The following NKAIN2 variants were observed in gnomAD, a reference collection of about 807,000 sequenced individuals.
The protein encoded by NKAIN2 is sodium/potassium transporting ATPase interacting 2, also known as sodium/potassium-transporting ATPase subunit beta-1-interacting protein 2.
In NKAIN2, 14 loss-of-function variants were observed where a neutral mutation model predicts 32.6. That is an observed-to-expected ratio of 0.43 (90% CI 0.28 to 0.67). The LOEUF (loss-of-function observed/expected upper bound fraction) is 0.67, where lower values mean the gene tolerates loss of function less well. NKAIN2 is among the 30% of genes least tolerant of loss of function. The pLI, the probability that NKAIN2 is intolerant of heterozygous loss-of-function variation, is 0.17. For missense variants in NKAIN2, 198 were observed against 258.3 expected (o/e 0.77, Z 1.60); for synonymous variants, 80 against 87.2 (o/e 0.92, Z 0.46).
intron 4 of NKAIN2, among the ~76,000 whole-genome samples, chr6:124,748,955 G>C (rs114759338): frequency 6.6e-6 from 1 of 151,728 alleles, no homozygotes; most frequent in East Asian, 2.0e-4. Flanking sequence ...ATTGTCTCAC[G>C]ACTTCTGTAG....
rs182438321 is a variant in NKAIN2 at position 124,539,522 on chromosome 6, C to T, written c.274-118664C>T. Among the ~76,000 whole-genome samples the T allele has an allele frequency of 6.3e-3, 963 of 152,040 alleles. 7 individuals carry two copies. Among genetic ancestry groups the T allele is most frequent in the Non-Finnish European group, 9.4e-3 (641 of 67,988 alleles). ...TTTCACTCAGGATGGTATTTTATAA[C>T]GTGCAATAAATTCAGACAATGTTTG... is the stretch of plus-strand genomic sequence containing the variant. On this transcript the variant is annotated intron_variant, in intron 3 of 6. Coordinates refer to ENST00000368417, the MANE Select transcript of NKAIN2 (RefSeq NM_001040214.3).
chr6:124,751,686 A>G (rs925008594), intron 4 of NKAIN2, among the ~76,000 whole-genome samples: 1 of 151,894 alleles, frequency 6.6e-6, no homozygotes, highest in African/African-American at 2.4e-5. Context: ...ACATTAAAAG[A>G]CAGAGATTTA....
At chr6:124,338,490 T>C (rs983251327) in intron 2 of NKAIN2, among the ~76,000 whole-genome samples, 2 of 152,182 alleles carry the variant, frequency 1.3e-5, no homozygotes, top group Non-Finnish European at 2.9e-5. Context: ...CTTTTCTCCT[T>C]CTTTGCTTTC....
At chr6:124,042,928 G>C (rs1345246722) in intron 1 of NKAIN2, among the ~76,000 whole-genome samples, 1 of 152,066 alleles carries the variant, frequency 6.6e-6, no homozygotes, top group Non-Finnish European at 1.5e-5. Flanking sequence ...GAAAAAGCCT[G>C]TGAATGAAGT....
intron 3 of NKAIN2, among the ~76,000 whole-genome samples, chr6:124,601,025 A>G (rs1205582058): frequency 6.6e-6 from 1 of 152,016 alleles, no homozygotes; most frequent in Non-Finnish European, 1.5e-5. Flanking sequence ...GTCTCCATTG[A>G]GTTTCAGTTT....
intron 4 of NKAIN2, among the ~76,000 whole-genome samples, chr6:124,728,810 G>C (rs1307951834): frequency 1.4e-4 from 21 of 151,876 alleles, no homozygotes; most frequent in Non-Finnish European, 2.4e-4. Context: ...TAGACCGCTA[G>C]CAAGACTAAT....
intron 1 of NKAIN2, among the ~76,000 whole-genome samples, chr6:124,230,813 G>A (rs1044245753): frequency 1.3e-5 from 2 of 152,368 alleles, no homozygotes; most frequent in African/African-American, 4.8e-5. Flanking sequence ...TGCTGCAGGG[G>A]CAGGGCTCTC....
chr6:124,091,976 C>A (rs1784445271), intron 1 of NKAIN2, among the ~76,000 whole-genome samples: 1 of 152,038 alleles, frequency 6.6e-6, no homozygotes, highest in Admixed American at 6.6e-5. Context: ...CTATTCTCAT[C>A]TTTGCCTTTT....
intron 4 of NKAIN2, among the ~76,000 whole-genome samples, chr6:124,763,968 G>A (rs1206495276): frequency 6.6e-6 from 1 of 152,068 alleles, no homozygotes; most frequent in African/African-American, 2.4e-5. Flanking sequence ...ATATTCTTAA[G>A]GACCTAAACC....
chr6:124,552,645 G>A (rs1780334187), intron 3 of NKAIN2, among the ~76,000 whole-genome samples: 1 of 152,206 alleles, frequency 6.6e-6, no homozygotes, highest in African/African-American at 2.4e-5. Context: ...AAGTCACTGA[G>A]TTAAATATTT....
At chr6:124,453,469 T>C (rs1017862162) in intron 3 of NKAIN2, among the ~76,000 whole-genome samples, 1 of 152,004 alleles carries the variant, frequency 6.6e-6, no homozygotes, top group Non-Finnish European at 1.5e-5. Flanking sequence ...CCATTCTTGC[T>C]TTTATATTGG....
At chr6:124,158,449 G>A (rs1034836125) in intron 1 of NKAIN2, among the ~76,000 whole-genome samples, 1 of 152,132 alleles carries the variant, frequency 6.6e-6, no homozygotes, top group South Asian at 2.1e-4. Flanking sequence ...GTGGAACGAA[G>A]CAAATTAAAA....
chr6:124,369,580 G>A (rs925977459), intron 3 of NKAIN2, among the ~76,000 whole-genome samples: 3 of 152,208 alleles, frequency 2.0e-5, no homozygotes, highest in African/African-American at 4.8e-5. Context: ...GTCAGTGTTA[G>A]TATATTTCAT....
chr6:124,135,230 G>A (rs1386414584), intron 1 of NKAIN2, among the ~76,000 whole-genome samples: 1 of 150,716 alleles, frequency 6.6e-6, no homozygotes, highest in Non-Finnish European at 1.5e-5. Context: ...AAAAAAAACT[G>A]TTTAGGCAAC....
At chr6:124,641,388 G>T (rs1164300816) in intron 3 of NKAIN2, among the ~76,000 whole-genome samples, 2 of 152,002 alleles carry the variant, frequency 1.3e-5, no homozygotes, top group Non-Finnish European at 2.9e-5. Flanking sequence ...GCCTTTGTTG[G>T]TACATGGACA....
intron 1 of NKAIN2, among the ~76,000 whole-genome samples, chr6:124,170,917 C>T (rs1410074134): frequency 6.6e-6 from 1 of 152,008 alleles, no homozygotes; most frequent in Non-Finnish European, 1.5e-5. Flanking sequence ...TAAGTTTTTT[C>T]CCCAATTCAA....
intron 4 of NKAIN2, among the ~76,000 whole-genome samples, chr6:124,786,235 A>G (rs547396903): frequency 3.1e-4 from 47 of 152,094 alleles, no homozygotes; most frequent in African/African-American, 1.1e-3. Flanking sequence ...ACCCTCATGT[A>G]CTTTTTTGAG....
intron 1 of NKAIN2, among the ~76,000 whole-genome samples, chr6:124,082,949 T>A (rs927473781): frequency 1.3e-5 from 2 of 152,014 alleles, no homozygotes. Flanking sequence ...ATTATTTTAA[T>A]AGGTGATCAT....
intron 1 of NKAIN2, among the ~76,000 whole-genome samples, chr6:123,883,830 G>A (rs1454136541): frequency 7.2e-6 from 1 of 137,958 alleles, no homozygotes; most frequent in Non-Finnish European, 1.5e-5. Context: ...GGGAGGCAGA[G>A]CTTGCAGTGA....
Sources: gnomAD v4.1 joint callset for allele counts (sites outside exome capture counted in the v4.1 genomes callset) on GRCh38, gnomAD v4.1.1 for gene constraint, MANE v1.5 for transcripts, NCBI Gene and HGNC (gene_info 2026-07-23, HGNC 2026-07-21) for gene names.